EFTUD2: variants seen among roughly 807,000 people sequenced by gnomAD.
EFTUD2 encodes elongation factor Tu GTP binding domain containing 2, also known as 116 kDa U5 small nuclear ribonucleoprotein component.
In EFTUD2, 9 loss-of-function variants were observed where a neutral mutation model predicts 114.3. The ratio of observed to expected loss-of-function variants is 0.08; its 90% confidence interval spans 0.05 to 0.14. EFTUD2 has a LOEUF of 0.14. Ranked by LOEUF, EFTUD2 falls within the 10% of genes least tolerant of loss-of-function variation. The probability of loss-of-function intolerance (pLI) is 1.00; values close to 1 mark genes in which losing one functional copy is unlikely to be tolerated. For synonymous variants in EFTUD2, 449 were observed against 462.3 expected, an observed-to-expected ratio of 0.97 and a Z score of 0.37; for missense variants, 765 against 1,241.2, an observed-to-expected ratio of 0.62 and a Z score of 5.76.
Position 44,859,723 on chromosome 17 carries a change from CAT to C in EFTUD2, c.1860+180_1860+181del, listed in dbSNP as rs1252248419. On this transcript the variant is annotated intron_variant, in intron 18 of 27. Transcript: ENST00000426333. ...CACAGGTCTTGTTTTAACACACACA[CAT>C]ACACACACACACGTGTCTTGTCCTG... 16 of 938,566 alleles carry C rather than the reference CAT, an allele frequency of 1.7e-5. No homozygotes were observed. The African/African-American group carries it at 2.3e-4, about 14-fold the overall frequency. The allele number at this position is 938,566 out of a possible 1,614,324, so 58.1% of individuals were successfully genotyped here.
chr17:44,857,058 C>T lies in EFTUD2; in HGVS notation c.2045+17G>A, dbSNP rs765991243. ...CCAGGAGGCTGCAGTCCCAGGGACACTGTGCTCCCAGCTTACTTCTTATTA... is the reference window on the plus strand; with the variant it reads ...CCAGGAGGCTGCAGTCCCAGGGACATTGTGCTCCCAGCTTACTTCTTATTA... On this transcript the variant is annotated intron_variant, in intron 20 of 27. Coordinates refer to ENST00000426333, the MANE Select transcript of EFTUD2 (RefSeq NM_004247.4). The T allele has an allele frequency of 6.2e-7, 1 of 1,610,576 alleles. No homozygotes were observed. Among genetic ancestry groups the T allele is most frequent in the Non-Finnish European group, 8.5e-7 (1 of 1,176,836 alleles).
At chr17:44,889,313 A>T (rs2051236571) in intron 2 of EFTUD2, among the ~76,000 whole-genome samples, 1 of 152,066 alleles carries the variant, frequency 6.6e-6, no homozygotes, top group South Asian at 2.1e-4. Flanking sequence ...GGAGGAGAGG[A>T]TCTGGAGACA....
chr17:44,855,132 G>C, intron 20 of EFTUD2, 128 bp from the exon 21 acceptor site: 1 of 806,962 alleles, frequency 1.2e-6, no homozygotes, highest in Non-Finnish European at 2.1e-6. Flanking sequence ...GCCAAGCGTG[G>C]TGGTTCAGAC....
chr17:44,863,493 T>G (rs2050693189), intron 15 of EFTUD2, 162 bp downstream of exon 15: 1 of 952,664 alleles, frequency 1.0e-6, no homozygotes, highest in Admixed American at 2.7e-5. Context: ...GTCATAGCAC[T>G]AGCGGTGGCA....
intron 11 of EFTUD2, among the ~76,000 whole-genome samples, chr17:44,869,557 C>T (rs1372058735): frequency 3.9e-5 from 6 of 152,150 alleles, no homozygotes; most frequent in Admixed American, 3.9e-4. Flanking sequence ...CTTTGGCCTC[C>T]CCAAGTGCTC....
At chr17:44,873,907 G>A (rs28514285) in intron 10 of EFTUD2, among the ~76,000 whole-genome samples, 21,337 of 149,224 alleles carry the variant, frequency 0.14, 1,795 homozygotes, top group African/African-American at 0.22. Flanking sequence ...AATTTTTTTT[G>A]TATTTTTTAG....
At position 44,852,208 on chromosome 17, in the gene EFTUD2, T is replaced by C. The variant is rs767494611; in HGVS notation, c.2715+201A>G. 1.4e-4 allele frequency among the ~76,000 whole-genome samples: 22 copies of C among 152,062 alleles called. 1 individual carries two copies. Among genetic ancestry groups the C allele is most frequent in the Admixed American group, 1.2e-3 (18 of 15,274 alleles). On this transcript the variant is annotated intron_variant, in intron 26 of 27. Coordinates refer to ENST00000426333, the MANE Select transcript of EFTUD2 (RefSeq NM_004247.4). ...CTGGGATTACAGGTGTGAACCACCA[T>C]AGCCGGCCCTATTATTTCTTTTTTT...
chr17:44,850,552 G>A lies in EFTUD2; in HGVS notation c.*722C>T. ...GCTGGGGAGAGGACTTGGAGTAAAT[G>A]GCTGGAAATCAAAGTGCTCTGGCCC... On this transcript the variant is annotated 3_prime_UTR_variant, in exon 28 of 28. Coordinates refer to ENST00000426333, the MANE Select transcript of EFTUD2 (RefSeq NM_004247.4). 1.7e-6 allele frequency: 1 copy of A among 576,364 alleles called. No individual in the cohort carries two copies. Among genetic ancestry groups the A allele is most frequent in the Middle Eastern group, 4.1e-4 (1 of 2,444 alleles). The allele number at this position is 576,364 out of a possible 1,614,324, so 35.7% of individuals were successfully genotyped here.
chr17:44,856,475 A>C (rs1339130220), intron 20 of EFTUD2, among the ~76,000 whole-genome samples: 2 of 151,564 alleles, frequency 1.3e-5, no homozygotes. Flanking sequence ...GGCTACAGTG[A>C]GGCGAGATCG....
At chr17:44,894,386 G>A (rs983362804) in intron 2 of EFTUD2, 31 bp downstream of exon 2, 1 of 1,504,236 alleles carries the variant, frequency 6.6e-7, no homozygotes, top group East Asian at 2.3e-5. Context: ...ATAAATAAGA[G>A]TGAGATAAAA....
At chr17:44,885,604 T>C (rs1405963848) in intron 3 of EFTUD2, among the ~76,000 whole-genome samples, 1 of 152,096 alleles carries the variant, frequency 6.6e-6, no homozygotes, top group Non-Finnish European at 1.5e-5. Context: ...TTGAGGTCAA[T>C]GTCAGTTCAG....
rs1206770647 is a variant in EFTUD2, at chr17:44,851,232, C to T, written c.*42G>A. On this transcript the variant is annotated 3_prime_UTR_variant, in exon 28 of 28. Coordinates refer to ENST00000426333, the MANE Select transcript of EFTUD2 (RefSeq NM_004247.4). ...GTCTCAGCTTCAAGTACAGGAGTTG[C>T]AGCCCACTGTAGGGAGCAGGAGCTC... 5 of 1,513,290 alleles carry T rather than the reference C, an allele frequency of 3.3e-6. No individual in the cohort carries two copies. Among genetic ancestry groups the T allele is most frequent in the Non-Finnish European group, 4.6e-6 (5 of 1,089,206 alleles). The allele number at this position is 1,513,290 out of a possible 1,614,324, so 93.7% of individuals were successfully genotyped here.
At position 44,891,572 on chromosome 17, in the gene EFTUD2, A is replaced by G. The variant is rs907389940; in HGVS notation, c.105+2845T>C. Among the ~76,000 whole-genome samples, 8 of 151,968 alleles carry G rather than the reference A, an allele frequency of 5.3e-5. No homozygotes were observed. The East Asian group carries it at 1.6e-3, about 29-fold the overall frequency. ...ACTACATTGCCCAAGCTGGTCTCAA[A>G]CTCCTCGGTTCAAGTGATCCTCCTG... is the stretch of plus-strand genomic sequence containing the variant. On this transcript the variant is annotated intron_variant, in intron 2 of 27. Transcript: ENST00000426333.
chr17:44,855,199 T>C (rs1314610239), intron 20 of EFTUD2, among the ~76,000 whole-genome samples, 195 bp from the exon 21 acceptor site: 2 of 152,212 alleles, frequency 1.3e-5, no homozygotes, highest in South Asian at 2.1e-4. Context: ...ACCCAGGAAT[T>C]TGAGGCTGCA....
intron 12 of EFTUD2, 23 bp from the exon 13 acceptor site, chr17:44,867,920 A>G: frequency 6.4e-7 from 1 of 1,561,368 alleles, no homozygotes; most frequent in Non-Finnish European, 8.7e-7. Flanking sequence ...ATAAGTTCTG[A>G]GTGACCCAGG....
intron 10 of EFTUD2, among the ~76,000 whole-genome samples, chr17:44,875,420 C>A (rs2050929675): frequency 6.6e-6 from 1 of 152,006 alleles, no homozygotes; most frequent in Non-Finnish European, 1.5e-5. Flanking sequence ...GTCCCGGCTA[C>A]TTGAGAGGCT....
chr17:44,858,999 G>C (rs1350967704), intron 19 of EFTUD2, 81 bp downstream of exon 19: 1 of 935,102 alleles, frequency 1.1e-6, no homozygotes, highest in African/African-American at 1.6e-5. Flanking sequence ...TCTTCCCTTG[G>C]AGCTTCCCAG....
intron 6 of EFTUD2, 137 bp downstream of exon 6, chr17:44,882,956 A>C: frequency 4.3e-6 from 3 of 702,758 alleles, no homozygotes; most frequent in Non-Finnish European, 6.9e-6. Flanking sequence ...GCCTATTAAT[A>C]GAGATCACAA....
rs886498885 is a variant in EFTUD2 at position 44,896,954 on chromosome 17, C to T, written c.-5+2415G>A. ...GAGTCCAGCTGGGTGCAGTGGCTCACGCCTGTAATCCCAGCACTTTGGGAG... is the reference window on the plus strand; with the variant it reads ...GAGTCCAGCTGGGTGCAGTGGCTCATGCCTGTAATCCCAGCACTTTGGGAG... On this transcript the variant is annotated intron_variant, in intron 1 of 27. Transcript: ENST00000426333. Among the ~76,000 whole-genome samples the T allele has an allele frequency of 2.8e-4, 43 of 152,164 alleles. No homozygotes were observed. In the East Asian group the frequency reaches 7.7e-3, roughly 27 times the overall value.
Sources: gnomAD v4.1 joint callset for allele counts (sites outside exome capture counted in the v4.1 genomes callset) on GRCh38, gnomAD v4.1.1 for gene constraint, MANE v1.5 for transcripts, NCBI Gene and HGNC (gene_info 2026-07-23, HGNC 2026-07-21) for gene names.